The following ARHGEF6 variants were observed in gnomAD, a reference collection of about 807,000 sequenced individuals.
The protein encoded by ARHGEF6 is rho guanine nucleotide exchange factor 6.
Under a neutral mutation model 70.3 loss-of-function variants are expected in ARHGEF6, and 9 were observed. The ratio of observed to expected loss-of-function variants is 0.13; its 90% confidence interval spans 0.08 to 0.22. The LOEUF (loss-of-function observed/expected upper bound fraction) is 0.22. Among genes scored for constraint, ARHGEF6 ranks in the 10% least tolerant of loss-of-function variants. The probability of loss-of-function intolerance (pLI) is 1.00; values close to 1 mark genes in which losing one functional copy is unlikely to be tolerated. For missense variants in ARHGEF6, 470 were observed against 563.0 expected, an observed-to-expected ratio of 0.83 and a Z score of 1.67; for synonymous variants, 201 against 207.8, an observed-to-expected ratio of 0.97 and a Z score of 0.28.
In ARHGEF6 at chrX:136,732,169, C is replaced by T; in HGVS notation, c.665G>A (p.Arg222Lys). Residue 222 changes from arginine (R) to lysine (K), a missense_variant, in exon 6 of 22, where the codon AGA becomes AAA. By Grantham distance (26) the Arg-to-Lys change is conservative. Transcript: ENST00000250617. ...NYVREIKSSERPLSPKAVKGF... is the reference protein window; with the variant it reads ...NYVREIKSSEKPLSPKAVKGF... Reference sequence around the variant, plus strand: ...TTTGACGGCTTTTGGGGAGAGAGGTCTCTCTGTGAAAAAAACATTTAAATT... The same window carrying T: ...TTTGACGGCTTTTGGGGAGAGAGGTTTCTCTGTGAAAAAAACATTTAAATT... 3 of 1,198,534 alleles carry T rather than the reference C, an allele frequency of 2.5e-6. No individual in the cohort carries two copies. Among genetic ancestry groups the T allele is most frequent in the Non-Finnish European group, 3.4e-6 (3 of 885,093 alleles).
chrX:136,744,371 A>G (rs1164661900), intron 4 of ARHGEF6, among the ~76,000 whole-genome samples: 1 of 112,198 alleles, frequency 8.9e-6, no homozygotes, highest in East Asian at 2.8e-4. Flanking sequence ...ACATGGATAT[A>G]TTAAGTCAGG....
chrX:136,777,422 T>TAAA (rs56694000), intron 2 of ARHGEF6, among the ~76,000 whole-genome samples: 2 of 103,343 alleles, frequency 1.9e-5, no homozygotes, highest in Non-Finnish European at 4.0e-5. Flanking sequence ...TGGCCACAAT[T>TAAA]AAAAAAAAAA....
chrX:136,718,673 G>C (rs2076763284), intron 6 of ARHGEF6, among the ~76,000 whole-genome samples: 1 of 111,033 alleles, frequency 9.0e-6, no homozygotes, highest in Non-Finnish European at 1.9e-5. Context: ...AATATATTTT[G>C]AATCTCTAAG....
intron 2 of ARHGEF6, among the ~76,000 whole-genome samples, chrX:136,759,338 C>A (rs1226743096): frequency 8.9e-6 from 1 of 111,868 alleles, no homozygotes; most frequent in Admixed American, 9.5e-5. Flanking sequence ...AAGAGTTTGA[C>A]ACCTTAAAGA....
At chrX:136,671,777 C>T (rs1569384625) in intron 20 of ARHGEF6, among the ~76,000 whole-genome samples, 1 of 112,199 alleles carries the variant, frequency 8.9e-6, no homozygotes, top group Non-Finnish European at 1.9e-5. Context: ...GAGCTGGCTG[C>T]AGGGGCAGCT....
chrX:136,736,618 G>GATGTGTGTATGTGTGTGTGTGT (rs58741198), intron 5 of ARHGEF6, among the ~76,000 whole-genome samples: 36 of 103,737 alleles, frequency 3.5e-4, no homozygotes, highest in African/African-American at 1.2e-3. Context: ...GTTAAAAAGA[G>GATGTGTGTATGTGTGTGTGTGT]GTGTGTGTGT....
At chrX:136,746,135 T>C (rs1018681711) in intron 3 of ARHGEF6, among the ~76,000 whole-genome samples, 11 of 112,474 alleles carry the variant, frequency 9.8e-5, no homozygotes, top group Admixed American at 5.6e-4. Flanking sequence ...ATTTCCTTGA[T>C]GCTGTGGGTT....
chrX:136,704,410 T>C (rs1329858384), intron 9 of ARHGEF6, among the ~76,000 whole-genome samples: 1 of 112,520 alleles, frequency 8.9e-6, no homozygotes, highest in East Asian at 2.8e-4. Flanking sequence ...TGAATAGACA[T>C]TTCTTTGAAT....
intron 5 of ARHGEF6, among the ~76,000 whole-genome samples, chrX:136,742,629 C>T (rs1175226760): frequency 9.0e-6 from 1 of 111,054 alleles, no homozygotes; most frequent in Non-Finnish European, 1.9e-5. Flanking sequence ...GAAGAGCCTA[C>T]CTTCTTAAAC....
chrX:136,774,300 C>T (rs942792179), intron 2 of ARHGEF6, among the ~76,000 whole-genome samples: 1 of 103,276 alleles, frequency 9.7e-6, no homozygotes, highest in Admixed American at 1.1e-4. Context: ...CTTCTGGCAG[C>T]TTTAGAATGC....
intron 5 of ARHGEF6, chrX:136,737,499 C>T: frequency 1.4e-6 from 1 of 692,739 alleles, no homozygotes; most frequent in Non-Finnish European, 1.7e-6. Context: ...CACTACATCA[C>T]TTTTTTCAAA....
intron 19 of ARHGEF6, among the ~76,000 whole-genome samples, chrX:136,673,499 G>A (rs758277766): frequency 8.9e-6 from 1 of 111,864 alleles, no homozygotes; most frequent in Non-Finnish European, 1.9e-5. Flanking sequence ...GGGTGAAGAC[G>A]TGTCTTTTTA....
chrX:136,755,711 C>A (rs1386466511), intron 2 of ARHGEF6, among the ~76,000 whole-genome samples: 1 of 112,106 alleles, frequency 8.9e-6, no homozygotes, highest in African/African-American at 3.2e-5. Flanking sequence ...ACAGCTACAG[C>A]TTTATAGTCT....
chrX:136,764,471 C>T (rs1457167660), intron 2 of ARHGEF6, among the ~76,000 whole-genome samples: 1 of 112,248 alleles, frequency 8.9e-6, no homozygotes, highest in African/African-American at 3.2e-5. Context: ...CTACTACCTG[C>T]AACAACACGG....
intron 2 of ARHGEF6, among the ~76,000 whole-genome samples, chrX:136,764,523 A>G (rs889101368): frequency 2.5e-4 from 28 of 112,174 alleles, no homozygotes; most frequent in Non-Finnish European, 1.7e-4. Context: ...GAAACCTCAT[A>G]CAAACAAGTA....
intron 2 of ARHGEF6, among the ~76,000 whole-genome samples, chrX:136,764,806 T>G (rs751815992): frequency 3.6e-5 from 4 of 112,292 alleles, no homozygotes; most frequent in African/African-American, 1.3e-4. Context: ...GATTTAAGCA[T>G]TTTTTTAAAA....
chrX:136,743,874 G>A, intron 4 of ARHGEF6, 88 bp from the exon 5 acceptor site: 1 of 906,292 alleles, frequency 1.1e-6, no homozygotes, highest in South Asian at 2.0e-5. Context: ...ATAAAGTGGA[G>A]GAAGCAAAGA....
chrX:136,727,409 CTCTCTT>C (rs1297506108), intron 6 of ARHGEF6, among the ~76,000 whole-genome samples: 112 of 93,772 alleles, frequency 1.2e-3, no homozygotes, highest in Non-Finnish European at 1.9e-3. Context: ...CTCTCTCTCT[CTCTCTT>C]TCTTTCTTTC....
At chrX:136,740,025 T>A (rs1349557052) in intron 5 of ARHGEF6, among the ~76,000 whole-genome samples, 2 of 107,136 alleles carry the variant, frequency 1.9e-5, no homozygotes, top group Non-Finnish European at 3.8e-5. Flanking sequence ...TATTATTATT[T>A]TTAGACAGAG....
Sources: allele counts gnomAD v4.1 joint callset (sites outside exome capture counted in the v4.1 genomes callset), GRCh38; gene constraint gnomAD v4.1.1; transcripts MANE v1.5; gene names NCBI Gene and HGNC (gene_info 2026-07-23, HGNC 2026-07-21).